Variants in ARHGEF10L observed in about 807,000 individuals in gnomAD.
ARHGEF10L encodes the protein rho guanine nucleotide exchange factor 10-like protein.
ARHGEF10L carries 69 observed loss-of-function variants against 141.2 expected under a neutral mutation model. The ratio of observed to expected loss-of-function variants is 0.49; its 90% confidence interval spans 0.40 to 0.60. The LOEUF is 0.60. Ranked by LOEUF, ARHGEF10L falls within the 20% of genes least tolerant of loss-of-function variation. ARHGEF10L has a pLI of 0.00. For synonymous variants in ARHGEF10L, 711 were observed against 718.5 expected (o/e 0.99, Z 0.17); for missense variants, 1,482 against 1,734.3 (o/e 0.85, Z 2.58).
chr1:17,629,167 C>T (rs1211331881), intron 15 of ARHGEF10L, among the ~76,000 whole-genome samples: 5 of 151,842 alleles, frequency 3.3e-5, no homozygotes, highest in Non-Finnish European at 5.9e-5. Context: ...ACTACAAGCA[C>T]GAGCTACCAC....
intron 27 of ARHGEF10L, among the ~76,000 whole-genome samples, chr1:17,692,346 C>T (rs963405681): frequency 1.3e-5 from 2 of 152,142 alleles, no homozygotes; most frequent in Non-Finnish European, 2.9e-5. Flanking sequence ...ATCCCACCGC[C>T]TGCTTGATAG....
At chr1:17,590,948 T>A (rs1282945787) in intron 4 of ARHGEF10L, among the ~76,000 whole-genome samples, 1 of 152,114 alleles carries the variant, frequency 6.6e-6, no homozygotes, top group African/African-American at 2.4e-5. Flanking sequence ...GATTGCGCCA[T>A]TTCACTCCAG....
chr1:17,627,522 C>T lies in ARHGEF10L; in HGVS notation c.1584+19C>T, dbSNP rs2060453080. 6.2e-7 allele frequency: 1 copy of T among 1,608,370 alleles called. No individual in the cohort carries two copies. The highest frequency in any genetic ancestry group is 1.7e-5 in the Admixed American group (1 of 59,714). ...CAACAAGGTGAGCTGGGCCTCCCAC[C>T]TGCCTGCCCTCACCTGCCTGCCCTC... On this transcript the variant is annotated intron_variant, in intron 15 of 28. Coordinates refer to ENST00000361221, the MANE Select transcript of ARHGEF10L (RefSeq NM_018125.4). This position sits in a 1 kb window ranked among gnomAD's most constrained non-coding sequence, Gnocchi z 4.0.
intron 20 of ARHGEF10L, 24 bp downstream of exon 20, chr1:17,638,713 G>A (rs760887752): frequency 1.9e-6 from 3 of 1,612,732 alleles, no homozygotes; most frequent in Admixed American, 3.3e-5. Flanking sequence ...GTCTTGGAGG[G>A]AGGGCTGCTG....
At position 17,623,771 on chromosome 1, in the gene ARHGEF10L, G is replaced by T. The variant is rs1361410614; in HGVS notation, c.1200+596G>T. Reference sequence around the variant, plus strand: ...CATGGGGTGAGGGAAGGTCAAGTTGGTAGCACTCTACTTTGATGTGTTTTA... The same window carrying T: ...CATGGGGTGAGGGAAGGTCAAGTTGTTAGCACTCTACTTTGATGTGTTTTA... On this transcript the variant is annotated intron_variant, in intron 12 of 28. Coordinates refer to ENST00000361221, the MANE Select transcript of ARHGEF10L (RefSeq NM_018125.4). The surrounding 1 kb of genome is among the most constrained non-coding windows in gnomAD (Gnocchi z 4.7). 6.6e-6 allele frequency among the ~76,000 whole-genome samples: 1 copy of T among 152,186 alleles called. No individual in the cohort carries two copies. Among genetic ancestry groups the T allele is most frequent in the African/African-American group, 2.4e-5 (1 of 41,446 alleles).
chr1:17,600,351 G>A (rs2080527345), intron 4 of ARHGEF10L, among the ~76,000 whole-genome samples: 1 of 152,226 alleles, frequency 6.6e-6, no homozygotes, highest in Non-Finnish European at 1.5e-5. Flanking sequence ...CTGTTCTCTT[G>A]ACAGTCTAAG....
rs529036635 is a variant in ARHGEF10L at position 17,697,598 on chromosome 1, G to A, written c.*218G>A. 5 of 689,052 alleles carry A rather than the reference G, an allele frequency of 7.3e-6. No homozygotes were observed. In the South Asian group the frequency reaches 7.7e-5, roughly 11 times the overall value. 42.7% of individuals were successfully genotyped at this position (689,052 alleles called of 1,614,324 possible). A position where few individuals can be genotyped will look rare whatever the true frequency, so the allele number is the denominator to read the frequency against. ...TGGGGAGAGGGAGGACACATCTGGA[G>A]GAAATGGCCTTCTTTTTAAAAGCAA... is the stretch of plus-strand genomic sequence containing the variant. On this transcript the variant is annotated 3_prime_UTR_variant, in exon 29 of 29. Coordinates refer to ENST00000361221, the MANE Select transcript of ARHGEF10L (RefSeq NM_018125.4). This position sits in a 1 kb window ranked among gnomAD's most constrained non-coding sequence, Gnocchi z 4.8.
chr1:17,619,531 CTGGA>C lies in ARHGEF10L; in HGVS notation c.942+88_942+91del. The C allele has an allele frequency of 9.2e-7, 1 of 1,090,704 alleles. No homozygotes were observed. The highest frequency in any genetic ancestry group is 1.3e-6 in the Non-Finnish European group (1 of 764,094). The allele number at this position is 1,090,704 out of a possible 1,614,324, so 67.6% of individuals were successfully genotyped here. A position where few individuals can be genotyped will look rare whatever the true frequency, so the allele number is the denominator to read the frequency against. ...GCCTGTTCTCTGGGGCCACGCTTGT[CTGGA>C]TCTCACAGGGGATATGATGACTGGG... On this transcript the variant is annotated intron_variant, in intron 10 of 28. Coordinates refer to ENST00000361221, the MANE Select transcript of ARHGEF10L (RefSeq NM_018125.4). This position sits in a 1 kb window ranked among gnomAD's most constrained non-coding sequence, Gnocchi z 5.0.
intron 26 of ARHGEF10L, among the ~76,000 whole-genome samples, chr1:17,667,078 C>T (rs927144959): frequency 1.3e-5 from 2 of 152,216 alleles, no homozygotes; most frequent in Non-Finnish European, 2.9e-5. Flanking sequence ...GACTGCTCTG[C>T]AAGCGGTCTC....
In ARHGEF10L at chr1:17,618,423, C is replaced by T. The variant is rs549700771; in HGVS notation, c.836-916C>T. ...GCTGGGGTGGGTGCGGAGTGATGCC[C>T]GGGGCGTGATGTGGGCCCGGCAGGA... On this transcript the variant is annotated intron_variant, in intron 9 of 28. Transcript: ENST00000361221. 5.5e-4 allele frequency: 845 copies of T among 1,532,214 alleles called. 2 individuals are homozygous for T. The highest frequency in any genetic ancestry group is 6.7e-4 in the Non-Finnish European group (763 of 1,138,396). 94.9% of individuals were successfully genotyped at this position (1,532,214 alleles called of 1,614,324 possible). A position where few individuals can be genotyped will look rare whatever the true frequency, so the allele number is the denominator to read the frequency against.
intron 26 of ARHGEF10L, among the ~76,000 whole-genome samples, chr1:17,679,405 G>A (rs972341494): frequency 6.6e-6 from 1 of 152,158 alleles, no homozygotes; most frequent in Non-Finnish European, 1.5e-5. Context: ...TATTGGCACT[G>A]GAGTCCCGTT....
At position 17,637,952 on chromosome 1, in the gene ARHGEF10L, C is replaced by T. The variant is rs141537217; in HGVS notation, c.1992C>T (p.Ala664=). ...QELQDLQKDL[A]VVEQITLLIS... Reference sequence around the variant, plus strand: ...TGCAGGACCTGCAGAAGGACCTGGCCGTGGTGGAGCAGATCACGCTTCTCA... The same window carrying T: ...TGCAGGACCTGCAGAAGGACCTGGCTGTGGTGGAGCAGATCACGCTTCTCA... The change falls in exon 19 of 29, where the codon GCC becomes GCT. Residue 664 remains alanine (A), a synonymous_variant. Coordinates refer to ENST00000361221, the MANE Select transcript of ARHGEF10L (RefSeq NM_018125.4). 8.4e-5 allele frequency: 135 copies of T among 1,601,018 alleles called. No homozygotes were observed. In the African/African-American group the frequency reaches 1.3e-3, roughly 16 times the overall value.
chr1:17,595,217 C>T (rs947196649), intron 4 of ARHGEF10L, among the ~76,000 whole-genome samples: 1 of 141,884 alleles, frequency 7.0e-6, no homozygotes, highest in African/African-American at 2.7e-5. Context: ...TTTCGTGGCT[C>T]ACCTTTTTTT....
rs886386745 is a variant in ARHGEF10L, at chr1:17,615,798, C to T, written c.727-296C>T. ...AGGGCTCCAGGTCTCCAGCACCCCT[C>T]GGCCCCCTCCTCACCAGGTCACATC... On this transcript the variant is annotated intron_variant, in intron 8 of 28. Transcript: ENST00000361221. The surrounding 1 kb of genome is among the most constrained non-coding windows in gnomAD (Gnocchi z 4.7). The T allele has an allele frequency of 1.1e-4, 33 of 288,368 alleles. No homozygotes were observed. The highest frequency in any genetic ancestry group is 1.5e-4 in the African/African-American group (7 of 47,000). 17.9% of individuals were successfully genotyped at this position (288,368 alleles called of 1,614,324 possible).
chr1:17,637,706 G>A (rs535535642), intron 18 of ARHGEF10L, among the ~76,000 whole-genome samples, 182 bp from the exon 19 acceptor site: 45 of 152,226 alleles, frequency 3.0e-4, no homozygotes, highest in East Asian at 9.7e-4. Context: ...GGGTTTCACC[G>A]TATTAGCCAG....
chr1:17,599,034 G>A (rs902583715), intron 4 of ARHGEF10L, among the ~76,000 whole-genome samples: 2 of 152,042 alleles, frequency 1.3e-5, no homozygotes, highest in East Asian at 1.9e-4. Context: ...ACCTGCCTCC[G>A]GTGTGTTCCT....
intron 1 of ARHGEF10L, among the ~76,000 whole-genome samples, chr1:17,555,838 G>C (rs541922585): frequency 6.6e-6 from 1 of 151,958 alleles, no homozygotes; most frequent in Non-Finnish European, 1.5e-5. Context: ...GCTTTACAGC[G>C]GGAGCCTTCC....
At chr1:17,556,525 G>T (rs947224765) in intron 1 of ARHGEF10L, among the ~76,000 whole-genome samples, 5 of 152,178 alleles carry the variant, frequency 3.3e-5, no homozygotes, top group African/African-American at 1.2e-4. Context: ...CCACACCCTG[G>T]TTTGCTGGGT....
chr1:17,662,947 T>C (rs923403847), intron 25 of ARHGEF10L, among the ~76,000 whole-genome samples: 1 of 151,812 alleles, frequency 6.6e-6, no homozygotes, highest in Non-Finnish European at 1.5e-5. Context: ...TGCCTTCTAG[T>C]CCCCCGCCAC....
Sources: allele counts gnomAD v4.1 joint callset (sites outside exome capture counted in the v4.1 genomes callset), GRCh38; gene constraint gnomAD v4.1.1; non-coding constraint Gnocchi (gnomAD v3.1); transcripts MANE v1.5; gene names NCBI Gene and HGNC (gene_info 2026-07-23, HGNC 2026-07-21).